The following MYT1L variants were observed in gnomAD, a reference collection of about 807,000 sequenced individuals.
MYT1L encodes myelin transcription factor 1-like protein.
MYT1L carries 12 observed loss-of-function variants against 126.7 expected under a neutral mutation model. That is an observed-to-expected ratio of 0.09 (90% CI 0.06 to 0.15). The LOEUF is 0.15. MYT1L is among the 10% of genes least tolerant of loss of function. MYT1L has a pLI of 1.00. For missense variants in MYT1L, 979 were observed against 1,585.2 expected (o/e 0.62, Z 6.49); for synonymous variants, 541 against 604.2 (o/e 0.90, Z 1.53).
chr2:2,007,701 A>G (rs1331292659), intron 4 of MYT1L, among the ~76,000 whole-genome samples: 2 of 151,816 alleles, frequency 1.3e-5, no homozygotes, highest in African/African-American at 2.4e-5. Context: ...CTGTCCTTCC[A>G]TGTGTGAGGT....
intron 18 of MYT1L, among the ~76,000 whole-genome samples, chr2:1,874,064 G>C (rs1433950259): frequency 7.5e-6 from 1 of 134,066 alleles, no homozygotes; most frequent in Admixed American, 7.1e-5. Context: ...GGCAAGGAGA[G>C]GGCAGCCAGG....
chr2:2,158,838 G>C (rs2087245733), intron 3 of MYT1L, among the ~76,000 whole-genome samples: 1 of 152,132 alleles, frequency 6.6e-6, no homozygotes, highest in African/African-American at 2.4e-5. Context: ...AGCGCAGGCA[G>C]ACCCAGAGCC....
intron 3 of MYT1L, among the ~76,000 whole-genome samples, chr2:2,086,081 C>G (rs1000460953): frequency 1.3e-5 from 2 of 152,182 alleles, no homozygotes; most frequent in African/African-American, 4.8e-5. Flanking sequence ...TCACTGTGAT[C>G]TCACTTCTTA....
intron 2 of MYT1L, among the ~76,000 whole-genome samples, chr2:2,276,953 C>A (rs1378046010): frequency 6.7e-6 from 1 of 150,252 alleles, no homozygotes; most frequent in Non-Finnish European, 1.5e-5. Context: ...CTTTACTTCA[C>A]CTGCTAACTT....
chr2:2,318,279 C>T (rs1319152109), intron 1 of MYT1L, among the ~76,000 whole-genome samples: 1 of 152,186 alleles, frequency 6.6e-6, no homozygotes, highest in East Asian at 1.9e-4. Flanking sequence ...ACTAATTCCA[C>T]ATTTAATATA....
Position 2,178,540 on chromosome 2 carries a change from C to T in MYT1L, c.-420-5552G>A, listed in dbSNP as rs1599863. 4.1e-3 allele frequency among the ~76,000 whole-genome samples: 620 copies of T among 152,330 alleles called. 4 individuals carry two copies. The highest frequency in any genetic ancestry group is 0.014 in the African/African-American group (589 of 41,560). ...AACACAGAAGGTTGTCTGGTACCCTCGCCCTCCTTCCTTCTGCAGGAAGGT... is the reference window on the plus strand; with the variant it reads ...AACACAGAAGGTTGTCTGGTACCCTTGCCCTCCTTCCTTCTGCAGGAAGGT... On this transcript the variant is annotated intron_variant, in intron 2 of 24. Coordinates refer to ENST00000647738, the MANE Select transcript of MYT1L (RefSeq NM_001303052.2).
At chr2:2,158,588 T>C (rs73913232) in intron 3 of MYT1L, among the ~76,000 whole-genome samples, 32,740 of 151,272 alleles carry the variant, frequency 0.22, 4,089 homozygotes, top group African/African-American at 0.35. Flanking sequence ...TCAGTCACAG[T>C]TCTGCTCCTC....
At chr2:2,032,358 G>A (rs1209585447) in intron 4 of MYT1L, among the ~76,000 whole-genome samples, 1 of 60,772 alleles carries the variant, frequency 1.6e-5, no homozygotes, top group African/African-American at 8.1e-5. Context: ...ACACACACCC[G>A]TCGCCAGTGC....
At chr2:2,328,121 T>G (rs965807066) in intron 1 of MYT1L, among the ~76,000 whole-genome samples, 1 of 152,160 alleles carries the variant, frequency 6.6e-6, no homozygotes, top group Admixed American at 6.5e-5. Flanking sequence ...AATAATCAGA[T>G]TATTAACTCA....
chr2:2,291,447 G>A (rs1217636027), intron 1 of MYT1L, among the ~76,000 whole-genome samples: 1 of 152,214 alleles, frequency 6.6e-6, no homozygotes, highest in Non-Finnish European at 1.5e-5. Context: ...TACTCCTCGC[G>A]GAAATGGAAG....
chr2:1,880,916 G>C (rs556591592), intron 18 of MYT1L, among the ~76,000 whole-genome samples: 1 of 152,310 alleles, frequency 6.6e-6, no homozygotes, highest in East Asian at 1.9e-4. Context: ...ACAATGGCGA[G>C]GCATAAACAG....
intron 12 of MYT1L, 107 bp downstream of exon 12, chr2:1,911,913 A>G: frequency 2.5e-6 from 2 of 787,218 alleles, no homozygotes; most frequent in Non-Finnish European, 1.9e-6. Flanking sequence ...GCACTTGGGG[A>G]GCACGGTGGG....
intron 1 of MYT1L, among the ~76,000 whole-genome samples, chr2:2,317,424 C>CTT (rs1026348812): frequency 5.0e-4 from 76 of 152,112 alleles, no homozygotes; most frequent in African/African-American, 1.8e-3. Flanking sequence ...GACTCCCTCA[C>CTT]TTTAAACAAG....
intron 2 of MYT1L, among the ~76,000 whole-genome samples, chr2:2,271,213 T>C (rs143720094): frequency 7.9e-5 from 12 of 152,282 alleles, no homozygotes; most frequent in African/African-American, 2.6e-4. Flanking sequence ...GCCAACAACA[T>C]GGATTTTTAA....
chr2:2,142,605 G>A (rs1475733340), intron 3 of MYT1L, among the ~76,000 whole-genome samples: 1 of 152,136 alleles, frequency 6.6e-6, no homozygotes, highest in Admixed American at 6.5e-5. Context: ...TGTGTGCAGT[G>A]AACATTAACA....
At chr2:2,107,136 C>T (rs2078850128) in intron 3 of MYT1L, among the ~76,000 whole-genome samples, 1 of 152,124 alleles carries the variant, frequency 6.6e-6, no homozygotes, top group Admixed American at 6.5e-5. Flanking sequence ...CAGAAGCAGT[C>T]AGTGGTGGCA....
chr2:2,293,160 A>T (rs1386539674), intron 1 of MYT1L, among the ~76,000 whole-genome samples: 1 of 152,216 alleles, frequency 6.6e-6, no homozygotes, highest in Non-Finnish European at 1.5e-5. Flanking sequence ...ACTGTCGTTG[A>T]CATCAGGTGC....
At chr2:1,838,915 T>C (rs1031155643) in intron 21 of MYT1L, among the ~76,000 whole-genome samples, 1 of 152,220 alleles carries the variant, frequency 6.6e-6, no homozygotes, top group Non-Finnish European at 1.5e-5. Context: ...AAAACTGCTG[T>C]GGTCATCTAT....
chr2:2,208,081 G>A (rs1460680513), intron 2 of MYT1L, among the ~76,000 whole-genome samples: 1 of 152,094 alleles, frequency 6.6e-6, no homozygotes, highest in Non-Finnish European at 1.5e-5. Context: ...TGACTCAGGT[G>A]CACTAACCTG....
Sources: gnomAD v4.1 joint callset for allele counts (sites outside exome capture counted in the v4.1 genomes callset) on GRCh38, gnomAD v4.1.1 for gene constraint, MANE v1.5 for transcripts, NCBI Gene and HGNC (gene_info 2026-07-23, HGNC 2026-07-21) for gene names.